The following CALN1 variants were observed in gnomAD, a reference collection of about 807,000 sequenced individuals.
CALN1 encodes calneuron 1, also known as calcium-binding protein 8.
CALN1 carries 17 observed loss-of-function variants against 30.6 expected under a neutral mutation model. That is an observed-to-expected ratio of 0.56 (90% confidence interval 0.38 to 0.83). The LOEUF (loss-of-function observed/expected upper bound fraction) is 0.83. CALN1 is among the 40% of genes least tolerant of loss of function. The pLI, the probability that CALN1 is intolerant of heterozygous loss-of-function variation, is 0.00. For synonymous variants in CALN1, 156 were observed against 131.4 expected, an observed-to-expected ratio of 1.19 and a Z score of -1.28; for missense variants, 291 against 354.9, an observed-to-expected ratio of 0.82 and a Z score of 1.45.
At chr7:72,152,704 G>A (rs2129544278) in intron 3 of CALN1, among the ~76,000 whole-genome samples, 1 of 152,214 alleles carries the variant, frequency 6.6e-6, no homozygotes, top group Non-Finnish European at 1.5e-5. Context: ...CCAGCTACCA[G>A]CCGAGAGAGA....
intron 4 of CALN1, among the ~76,000 whole-genome samples, chr7:72,026,311 T>G (rs748291351): frequency 6.6e-6 from 1 of 151,976 alleles, no homozygotes; most frequent in Non-Finnish European, 1.5e-5. Flanking sequence ...GGGGGTTGGG[T>G]GAGGTGGCTC....
intron 2 of CALN1, among the ~76,000 whole-genome samples, chr7:72,400,880 A>T (rs1396220673): frequency 3.3e-5 from 5 of 152,052 alleles, no homozygotes; most frequent in African/African-American, 7.2e-5. Context: ...TGCAACCAAT[A>T]TGGCTCTGGG....
At chr7:71,881,725 T>C (rs115242062) in intron 5 of CALN1, among the ~76,000 whole-genome samples, 27 of 152,220 alleles carry the variant, frequency 1.8e-4, no homozygotes, top group African/African-American at 6.0e-4. Flanking sequence ...AGTGCTGCTA[T>C]TCCAAATTAC....
intron 3 of CALN1, among the ~76,000 whole-genome samples, chr7:72,163,754 T>C (rs987033517): frequency 6.6e-6 from 1 of 152,084 alleles, no homozygotes. Flanking sequence ...AAGAAAAAGA[T>C]ACAGAAACAT....
intron 5 of CALN1, among the ~76,000 whole-genome samples, chr7:71,906,651 T>C (rs1794153462): frequency 6.6e-6 from 1 of 152,176 alleles, no homozygotes; most frequent in South Asian, 2.1e-4. Flanking sequence ...AAGCTTACAC[T>C]GTAGCGGGGC....
In CALN1 at chr7:72,299,154, G is replaced by A. The variant is rs547341672; in HGVS notation, c.120-20344C>T. Among the ~76,000 whole-genome samples, 14 of 152,180 alleles carry A rather than the reference G, an allele frequency of 9.2e-5. 1 individual carries two copies. In the South Asian group the frequency reaches 2.3e-3, roughly 25 times the overall value. ...AGACAGCATATGGGCAACTGAAGGCGGCAGTGTCATTCTCTACTGTAGATA... is the reference window on the plus strand; with the variant it reads ...AGACAGCATATGGGCAACTGAAGGCAGCAGTGTCATTCTCTACTGTAGATA... On this transcript the variant is annotated intron_variant, in intron 2 of 6. Transcript: ENST00000395275.
intron 2 of CALN1, among the ~76,000 whole-genome samples, chr7:72,392,870 G>GTACCTGC (rs1805667043): frequency 6.6e-6 from 1 of 151,998 alleles, no homozygotes; most frequent in Non-Finnish European, 1.5e-5. Context: ...ATGTTGGCAT[G>GTACCTGC]TACCTGCTGT....
intron 4 of CALN1, among the ~76,000 whole-genome samples, chr7:72,053,793 C>T (rs1458018671): frequency 1.3e-5 from 2 of 151,514 alleles, no homozygotes; most frequent in Non-Finnish European, 2.9e-5. Context: ...ACCCCCCTCC[C>T]ACCCTTCCCC....
intron 4 of CALN1, among the ~76,000 whole-genome samples, chr7:72,050,894 A>G (rs1802788979): frequency 6.6e-6 from 1 of 151,926 alleles, no homozygotes; most frequent in Non-Finnish European, 1.5e-5. Context: ...TGGGAGGCTG[A>G]GACAGGAGAA....
At chr7:71,838,518 C>G (rs1487960741) in intron 5 of CALN1, among the ~76,000 whole-genome samples, 2 of 152,136 alleles carry the variant, frequency 1.3e-5, no homozygotes, top group East Asian at 3.9e-4. Context: ...TCTTGAACTC[C>G]TGGGCTCAAG....
intron 4 of CALN1, among the ~76,000 whole-genome samples, chr7:72,058,310 CTTTTTTTTT>C (rs3065011): frequency 1.4e-5 from 1 of 70,746 alleles, no homozygotes; most frequent in African/African-American, 5.8e-5. Context: ...AAGCTGGAAT[CTTTTTTTTT>C]TTTTTTTTTT....
chr7:72,068,790 C>G (rs142529090), intron 4 of CALN1, among the ~76,000 whole-genome samples: 1 of 152,112 alleles, frequency 6.6e-6, no homozygotes, highest in East Asian at 1.9e-4. Flanking sequence ...CGCACTGGGC[C>G]GGGCCTCATT....
chr7:71,927,192 T>C (rs916446130), intron 5 of CALN1, among the ~76,000 whole-genome samples: 16 of 152,184 alleles, frequency 1.1e-4, no homozygotes, highest in African/African-American at 3.9e-4. Flanking sequence ...ACCTTCAGTA[T>C]ACTACCAGTC....
At chr7:72,424,432 C>A (rs1183256511) in intron 1 of CALN1, among the ~76,000 whole-genome samples, 1 of 152,126 alleles carries the variant, frequency 6.6e-6, no homozygotes, top group Non-Finnish European at 1.5e-5. Context: ...AGTGCCCTAA[C>A]CTAATGGCAC....
intron 4 of CALN1, among the ~76,000 whole-genome samples, chr7:72,053,057 C>T (rs530148942): frequency 6.6e-6 from 1 of 152,188 alleles, no homozygotes; most frequent in African/African-American, 2.4e-5. Flanking sequence ...TGGTGAAACC[C>T]AGTCTCTACT....
At chr7:72,466,842 AAAAG>A in the CALN1 span, among the ~76,000 whole-genome samples, 12 of 125,582 alleles carry the variant, frequency 9.6e-5, no homozygotes, top group Non-Finnish European at 3.3e-5. Context: ...AGAGAGAAAG[AAAAG>A]AAAGAAAGAA....
At chr7:72,050,671 CTTG>C (rs1386961068) in intron 4 of CALN1, among the ~76,000 whole-genome samples, 2 of 152,088 alleles carry the variant, frequency 1.3e-5, no homozygotes, top group African/African-American at 4.8e-5. Flanking sequence ...ATTAATCAAA[CTTG>C]TTTTCAGATG....
At chr7:72,195,203 T>G (rs753419111) in intron 3 of CALN1, among the ~76,000 whole-genome samples, 8 of 152,168 alleles carry the variant, frequency 5.3e-5, no homozygotes, top group Non-Finnish European at 1.2e-4. Flanking sequence ...GCAGACACAC[T>G]CATCTTTTGA....
At chr7:72,212,635 C>A (rs1045863675) in intron 3 of CALN1, among the ~76,000 whole-genome samples, 1 of 151,908 alleles carries the variant, frequency 6.6e-6, no homozygotes, top group South Asian at 2.1e-4. Flanking sequence ...GGCAGCAAAG[C>A]GAGACTCCAT....
Sources: gnomAD v4.1 joint callset for allele counts (sites outside exome capture counted in the v4.1 genomes callset) on GRCh38, gnomAD v4.1.1 for gene constraint, MANE v1.5 for transcripts, NCBI Gene and HGNC (gene_info 2026-07-23, HGNC 2026-07-21) for gene names.